Variants in KHDRBS2 observed in about 807,000 individuals in gnomAD.
KHDRBS2 encodes KH RNA binding domain containing, signal transduction associated 2.
In KHDRBS2, 26 loss-of-function variants were observed where a neutral mutation model predicts 44.3. That is an observed-to-expected ratio of 0.59 (90% CI 0.43 to 0.81). The LOEUF is 0.81. Ranked by LOEUF, KHDRBS2 falls within the 40% of genes least tolerant of loss-of-function variation. KHDRBS2 has a pLI of 0.00. For synonymous variants in KHDRBS2, 194 were observed against 151.1 expected, an observed-to-expected ratio of 1.28 and a Z score of -2.08; for missense variants, 476 against 433.1, an observed-to-expected ratio of 1.10 and a Z score of -0.88.
the KHDRBS2 span, among the ~76,000 whole-genome samples, chr6:61,587,858 A>G: frequency 1.3e-5 from 2 of 151,778 alleles, no homozygotes; most frequent in African/African-American, 4.8e-5. Flanking sequence ...TCTCCCTTCC[A>G]GAGATTGATG....
intron 2 of KHDRBS2, among the ~76,000 whole-genome samples, chr6:62,143,153 C>T (rs371617825): frequency 1.4e-4 from 21 of 151,794 alleles, no homozygotes; most frequent in Admixed American, 3.3e-4. Flanking sequence ...ACTACAGTAA[C>T]GTTTCTGCAT....
chr6:61,582,941 A>C, the KHDRBS2 span, among the ~76,000 whole-genome samples: 1 of 151,838 alleles, frequency 6.6e-6, no homozygotes, highest in Non-Finnish European at 1.5e-5. Flanking sequence ...TTCTTCAAAA[A>C]ACCATTTTAT....
Position 62,266,396 on chromosome 6 carries a change from G to A in KHDRBS2, c.91+19462C>T, listed in dbSNP as rs116115915. Among the ~76,000 whole-genome samples the A allele has an allele frequency of 2.5e-3, 384 of 152,072 alleles. 3 individuals are homozygous for A. Among genetic ancestry groups the A allele is most frequent in the African/African-American group, 8.5e-3 (353 of 41,518 alleles). The stretch of plus-strand genomic sequence containing the variant: ...ATCAGCGAATTATTGCCTCCTAGGA[G>A]CTGCTCTCAATCTAAGGCTGATGAA... On this transcript the variant is annotated intron_variant, in intron 1 of 8. Coordinates refer to ENST00000281156, the MANE Select transcript of KHDRBS2 (RefSeq NM_152688.4).
chr6:61,960,380 A>G (rs1170307969), intron 4 of KHDRBS2, among the ~76,000 whole-genome samples: 1 of 151,996 alleles, frequency 6.6e-6, no homozygotes, highest in Non-Finnish European at 1.5e-5. Context: ...AGTGTTAAAT[A>G]TTTTTCTAAT....
chr6:62,180,294 C>T (rs1222030538), intron 1 of KHDRBS2, among the ~76,000 whole-genome samples: 1 of 151,766 alleles, frequency 6.6e-6, no homozygotes, highest in African/African-American at 2.4e-5. Context: ...GTAGGAAACG[C>T]CTAAAGACTT....
chr6:62,098,364 A>G (rs9354628), intron 2 of KHDRBS2, among the ~76,000 whole-genome samples: 40,368 of 151,534 alleles, frequency 0.27, 5,744 homozygotes, highest in East Asian at 0.41. Context: ...TTGTCTGGGA[A>G]AGTATTTCTC....
At chr6:61,943,159 T>A (rs569740034) in intron 4 of KHDRBS2, among the ~76,000 whole-genome samples, 1 of 151,864 alleles carries the variant, frequency 6.6e-6, no homozygotes, top group East Asian at 1.9e-4. Flanking sequence ...TAGCCAAGGA[T>A]AATATATCCA....
intron 6 of KHDRBS2, among the ~76,000 whole-genome samples, chr6:61,743,819 C>T (rs1173232466): frequency 6.8e-5 from 10 of 146,922 alleles, no homozygotes; most frequent in Non-Finnish European, 1.0e-4. Context: ...GTGATGTTCC[C>T]CTTCCTGTGT....
chr6:61,844,631 C>G (rs1794097787), intron 6 of KHDRBS2, among the ~76,000 whole-genome samples: 1 of 152,090 alleles, frequency 6.6e-6, no homozygotes, highest in Non-Finnish European at 1.5e-5. Flanking sequence ...CCCTAGTTAA[C>G]TCCAATGACC....
chr6:61,639,834 C>T, the KHDRBS2 span, among the ~76,000 whole-genome samples: 1 of 152,024 alleles, frequency 6.6e-6, no homozygotes, highest in South Asian at 2.1e-4. Context: ...GGTGTGACAA[C>T]CTGGTTATAA....
At chr6:61,608,799 T>C in the KHDRBS2 span, among the ~76,000 whole-genome samples, 2 of 152,164 alleles carry the variant, frequency 1.3e-5, no homozygotes, top group Non-Finnish European at 2.9e-5. Context: ...TGGTATTCCA[T>C]GGTGTATATG....
chr6:61,945,112 A>AATATATATATATATATATAT (rs1491476068), intron 4 of KHDRBS2, among the ~76,000 whole-genome samples: 1 of 48,416 alleles, frequency 2.1e-5, no homozygotes. Context: ...AAAAAAAAAA[A>AATATATATATATATATATAT]GTATATATAT....
intron 1 of KHDRBS2, among the ~76,000 whole-genome samples, chr6:62,243,157 AAT>A (rs557496874): frequency 6.6e-6 from 1 of 151,936 alleles, no homozygotes; most frequent in Non-Finnish European, 1.5e-5. Flanking sequence ...AATACAATAT[AAT>A]ATATATATAC....
At chr6:62,190,840 T>C (rs1360294147) in intron 1 of KHDRBS2, among the ~76,000 whole-genome samples, 1 of 152,134 alleles carries the variant, frequency 6.6e-6, no homozygotes, top group East Asian at 1.9e-4. Flanking sequence ...CCCCACTCTA[T>C]ATGCAGTAGT....
intron 4 of KHDRBS2, among the ~76,000 whole-genome samples, chr6:61,904,977 C>T (rs1181889669): frequency 1.3e-5 from 2 of 152,174 alleles, no homozygotes; most frequent in African/African-American, 2.4e-5. Flanking sequence ...ATAGTTGAGC[C>T]TATCCCATTC....
chr6:62,026,214 G>A (rs1783276911), intron 3 of KHDRBS2, among the ~76,000 whole-genome samples: 2 of 151,246 alleles, frequency 1.3e-5, no homozygotes, highest in African/African-American at 2.4e-5. Flanking sequence ...ATAAATGACA[G>A]AATTCTATAA....
At chr6:61,547,153 C>G in the KHDRBS2 span, among the ~76,000 whole-genome samples, 1 of 152,034 alleles carries the variant, frequency 6.6e-6, no homozygotes. Flanking sequence ...TGTGCAAACT[C>G]CACACAGACA....
the KHDRBS2 span, among the ~76,000 whole-genome samples, chr6:61,646,379 G>A: frequency 1.3e-5 from 2 of 152,176 alleles, no homozygotes; most frequent in Non-Finnish European, 2.9e-5. Context: ...GGAGTAGGCA[G>A]ATGCTTTCAG....
intron 2 of KHDRBS2, among the ~76,000 whole-genome samples, chr6:62,049,390 T>A (rs1323708324): frequency 1.3e-5 from 2 of 151,842 alleles, no homozygotes; most frequent in African/African-American, 4.8e-5. Context: ...CATAGAACTA[T>A]ATGTGACAAC....
Sources: gnomAD v4.1 joint callset for allele counts (sites outside exome capture counted in the v4.1 genomes callset) on GRCh38, gnomAD v4.1.1 for gene constraint, MANE v1.5 for transcripts, NCBI Gene and HGNC (gene_info 2026-07-23, HGNC 2026-07-21) for gene names.